GBGT1: variants seen among roughly 807,000 people sequenced by gnomAD.
The protein encoded by GBGT1 is globoside alpha-1,3-N-acetylgalactosaminyltransferase 1.
GBGT1 carries 18 observed loss-of-function variants against 20.9 expected under a neutral mutation model. The observed-to-expected ratio is 0.86, with a 90% CI of 0.60 to 1.28. The LOEUF (loss-of-function observed/expected upper bound fraction) is 1.28. Among genes scored for constraint, GBGT1 ranks in the 50% most tolerant of loss-of-function variants. GBGT1 has a pLI of 0.00. For synonymous variants in GBGT1, 168 were observed against 180.8 expected (o/e 0.93, Z 0.57); for missense variants, 432 against 455.7 (o/e 0.95, Z 0.47).
rs770287068 is a variant in GBGT1 at position 133,153,822 on chromosome 9, C to A, written c.799G>T (p.Gly267Trp). 6.3e-7 allele frequency: 1 copy of A among 1,587,364 alleles called. No homozygotes were observed. Among genetic ancestry groups the A allele is most frequent in the South Asian group, 1.1e-5 (1 of 87,656 alleles). The change falls in exon 7 of 7, where the codon GGG (glycine) becomes TGG (tryptophan). Residue 267 changes from glycine (G) to tryptophan (W), a missense_variant. Coordinates refer to ENST00000372040, the MANE Select transcript of GBGT1 (RefSeq NM_021996.6). The part of the protein sequence containing the change: ...DFYYGGAVFG[G>W]QVARVYEFTR... ...AACTCATATACCCTGGCCACCTGCC[C>A]CCCGAAGACTGCCCCACCATAATAG...
intron 6 of GBGT1, 31 bp downstream of exon 6, chr9:133,155,147 C>T: frequency 6.3e-7 from 1 of 1,599,264 alleles, no homozygotes; most frequent in Non-Finnish European, 8.6e-7. Context: ...CTCAGGGAGA[C>T]CTCCCTCCCC....
intron 5 of GBGT1, among the ~76,000 whole-genome samples, chr9:133,155,630 A>G (rs1832848696): frequency 6.6e-6 from 1 of 152,236 alleles, no homozygotes; most frequent in Non-Finnish European, 1.5e-5. Flanking sequence ...AGCACGGTGC[A>G]GATGTTACAA....
At chr9:133,156,676 AAAAGCTGC>A (rs1164376032) in intron 3 of GBGT1, among the ~76,000 whole-genome samples, 3 of 151,400 alleles carry the variant, frequency 2.0e-5, no homozygotes, top group Admixed American at 6.6e-5. Context: ...AAAAAGGAAG[AAAAGCTGC>A]AAAGGCCTGG....
Position 133,153,874 on chromosome 9 carries a change from G to T in GBGT1, c.747C>A (p.Ala249=). Residue 249 remains alanine, a synonymous_variant, in exon 7 of 7, where the codon GCC becomes GCA. Coordinates refer to ENST00000372040, the MANE Select transcript of GBGT1 (RefSeq NM_021996.6). ...FPYERRRVST[A]FVADSEGDFY... is the part of the protein sequence containing the mutation. Reference sequence around the variant, plus strand: ...AGTCCCCTTCGCTGTCTGCCACAAAGGCAGTGGAAACACGCCTGCGCTCAT... The same window carrying T: ...AGTCCCCTTCGCTGTCTGCCACAAATGCAGTGGAAACACGCCTGCGCTCAT... 1 of 1,602,506 alleles carries T rather than the reference G, an allele frequency of 6.2e-7. No homozygotes were observed. Among genetic ancestry groups the T allele is most frequent in the Non-Finnish European group, 8.5e-7 (1 of 1,171,348 alleles).
intron 3 of GBGT1, 175 bp from the exon 4 acceptor site, chr9:133,156,240 C>G (rs1832866383): frequency 1.5e-6 from 1 of 661,992 alleles, no homozygotes; most frequent in Non-Finnish European, 2.6e-6. Context: ...GGGACCCCTA[C>G]AGAAGTGATC....
At chr9:133,162,583 C>G in intron 1 of GBGT1, 51 bp from the exon 2 acceptor site, 1 of 634,560 alleles carries the variant, frequency 1.6e-6, no homozygotes, top group South Asian at 1.8e-5. Flanking sequence ...CTCTTGTCAA[C>G]TGGGCTGGAG....
Position 133,154,318 on chromosome 9 carries a change from C to G in GBGT1, c.360-57G>C. On this transcript the variant is annotated intron_variant, in intron 6 of 6. Coordinates refer to ENST00000372040, the MANE Select transcript of GBGT1 (RefSeq NM_021996.6). This position sits in a 1 kb window ranked among gnomAD's most constrained non-coding sequence, Gnocchi z 4.2. ...CACCAGCAGCCTGCCAGGGTCCCCA[C>G]TGTGTGCTGGGGTCAGCCAGGCTGG... is the stretch of plus-strand genomic sequence containing the variant. 8.6e-7 allele frequency: 1 copy of G among 1,168,220 alleles called. No homozygotes were observed. Among genetic ancestry groups the G allele is most frequent in the Non-Finnish European group, 1.2e-6 (1 of 833,814 alleles). 72.4% of individuals were successfully genotyped at this position (1,168,220 alleles called of 1,614,324 possible).
At chr9:133,160,189 C>T in intron 3 of GBGT1, 1 of 332,714 alleles carries the variant, frequency 3.0e-6, no homozygotes, top group Non-Finnish European at 6.3e-6. Context: ...TGAGGCATGA[C>T]AATTGCTTGA....
At chr9:133,161,401 C>T in intron 3 of GBGT1, 66 bp downstream of exon 3, 1 of 936,974 alleles carries the variant, frequency 1.1e-6, no homozygotes, top group South Asian at 1.6e-5. Flanking sequence ...CTTAAATACT[C>T]TCCTGTCTCC....
In GBGT1 at chr9:133,154,205, C is replaced by T. The variant is rs764506322; in HGVS notation, c.416G>A (p.Gly139Glu). The change falls in exon 7 of 7, where the codon GGG becomes GAG. Residue 139 changes from glycine (G) to glutamate (E), a missense_variant. Coordinates refer to ENST00000372040, the MANE Select transcript of GBGT1 (RefSeq NM_021996.6). This position sits in a 1 kb window ranked among gnomAD's most constrained non-coding sequence, Gnocchi z 4.2. ...LESAEEFFMR[G>E]YRVHYYIFTD... ...GAAGATGTAGTAGTGCACCCGGTAC[C>T]CACGCATGAAGAACTCCTCGGCTGA... The T allele has an allele frequency of 2.8e-5, 44 of 1,557,776 alleles. No individual in the cohort carries two copies. Among genetic ancestry groups the T allele is most frequent in the Non-Finnish European group, 3.5e-5 (40 of 1,147,044 alleles).
In GBGT1 at chr9:133,154,949, C is replaced by G; in HGVS notation, c.359+229G>C. 1 of 490,228 alleles carries G rather than the reference C, an allele frequency of 2.0e-6. No homozygotes were observed. The allele number at this position is 490,228 out of a possible 1,614,324, so 30.4% of individuals were successfully genotyped here. A position where few individuals can be genotyped will look rare whatever the true frequency, so the allele number is the denominator to read the frequency against. On this transcript the variant is annotated intron_variant, in intron 6 of 6. Transcript: ENST00000372040. The surrounding 1 kb of genome is among the most constrained non-coding windows in gnomAD (Gnocchi z 4.2). Reference sequence around the variant, plus strand: ...TCCTGACAAAGGCTCCTGCTGTCCCCTCACCTGGACTCTGCATCCTGTCTA... The same window carrying G: ...TCCTGACAAAGGCTCCTGCTGTCCCGTCACCTGGACTCTGCATCCTGTCTA...
chr9:133,158,458 A>G (rs1006142870), intron 3 of GBGT1, among the ~76,000 whole-genome samples: 2 of 151,796 alleles, frequency 1.3e-5, no homozygotes, highest in Non-Finnish European at 2.9e-5. Context: ...TTGTATTAAT[A>G]TTTTTTGTAC....
chr9:133,159,017 G>A (rs949306476), intron 3 of GBGT1, among the ~76,000 whole-genome samples: 8 of 152,000 alleles, frequency 5.3e-5, no homozygotes, highest in African/African-American at 1.9e-4. Flanking sequence ...CTGGAGTGCA[G>A]TGGTGTGATC....
chr9:133,161,792 G>GC (rs2119326155), intron 2 of GBGT1, among the ~76,000 whole-genome samples: 1 of 152,258 alleles, frequency 6.6e-6, no homozygotes, highest in African/African-American at 2.4e-5. Flanking sequence ...TTGATGCCAG[G>GC]CCCCCCACAC....
At chr9:133,161,161 G>T in intron 3 of GBGT1, 1 of 404,600 alleles carries the variant, frequency 2.5e-6, no homozygotes, top group Non-Finnish European at 4.4e-6. Flanking sequence ...GCAACAGCAG[G>T]CTGTTTATGG....
intron 2 of GBGT1, 85 bp from the exon 3 acceptor site, chr9:133,161,617 G>C: frequency 1.1e-6 from 1 of 920,414 alleles, no homozygotes; most frequent in Non-Finnish European, 1.7e-6. Flanking sequence ...CATTGGGAGT[G>C]CAGGTCTCCC....
Position 133,161,456 on chromosome 9 carries a change from C to A in GBGT1, c.137+11G>T, listed in dbSNP as rs1444758031. ...AGGGCCCCCAGTTCTCCTAGCCACA[C>A]CCATACTTACAAGATCTCTGGGCAG... On this transcript the variant is annotated intron_variant, in intron 3 of 6. Transcript: ENST00000372040. The A allele has an allele frequency of 6.3e-7, 1 of 1,595,838 alleles. No individual in the cohort carries two copies. The highest frequency in any genetic ancestry group is 1.3e-5 in the African/African-American group (1 of 74,400).
intron 3 of GBGT1, among the ~76,000 whole-genome samples, chr9:133,156,353 G>A (rs552514093): frequency 4.6e-5 from 7 of 152,240 alleles, no homozygotes; most frequent in South Asian, 2.1e-4. Flanking sequence ...TCTCGTTGTC[G>A]GAAAGAAGAT....
At position 133,163,832 on chromosome 9, in the gene GBGT1, C is replaced by T. The variant is rs961714045; in HGVS notation, c.-199G>A. On this transcript the variant is annotated 5_prime_UTR_variant, in exon 1 of 7. Coordinates refer to ENST00000372040, the MANE Select transcript of GBGT1 (RefSeq NM_021996.6). Reference sequence around the variant, plus strand: ...GAAAACGGACTCAGCTGGCCTGGGCCCCCGCGATACCCGGGCGATCGGCGG... The same window carrying T: ...GAAAACGGACTCAGCTGGCCTGGGCTCCCGCGATACCCGGGCGATCGGCGG... The T allele has an allele frequency of 6.6e-5, 10 of 152,618 alleles. No homozygotes were observed. Among genetic ancestry groups the T allele is most frequent in the African/African-American group, 1.9e-4 (8 of 41,604 alleles). The allele number at this position is 152,618 out of a possible 1,614,324, so 9.5% of individuals were successfully genotyped here.
Sources: allele counts gnomAD v4.1 joint callset (sites outside exome capture counted in the v4.1 genomes callset), GRCh38; gene constraint gnomAD v4.1.1; non-coding constraint Gnocchi (gnomAD v3.1); transcripts MANE v1.5; gene names NCBI Gene and HGNC (gene_info 2026-07-23, HGNC 2026-07-21).